The following ARHGAP30 variants were observed in gnomAD, a reference collection of about 807,000 sequenced individuals.
ARHGAP30 encodes Rho GTPase activating protein 30, also known as rho GTPase-activating protein 30.
In ARHGAP30, 23 loss-of-function variants were observed where a neutral mutation model predicts 72.0. The observed-to-expected ratio is 0.32, with a 90% confidence interval of 0.23 to 0.45. The LOEUF (loss-of-function observed/expected upper bound fraction) is 0.45. ARHGAP30 is among the 20% of genes least tolerant of loss of function. ARHGAP30 has a pLI of 1.00. For missense variants in ARHGAP30, 1,319 were observed against 1,383.4 expected, an observed-to-expected ratio of 0.95 and a Z score of 0.74; for synonymous variants, 576 against 528.2, an observed-to-expected ratio of 1.09 and a Z score of -1.24.
rs764328210 is a variant in ARHGAP30 at position 161,056,492 on chromosome 1, C to T, written c.241G>A (p.Asp81Asn). 3 of 1,613,834 alleles carry T rather than the reference C, an allele frequency of 1.9e-6. No homozygotes were observed. Among genetic ancestry groups the T allele is most frequent in the South Asian group, 2.2e-5 (2 of 91,048 alleles). ...CAGTGAATGTCTTGGAGGTAAACAT[C>T]CCGACGCAGGTCTGGCTTCCGCTCT... The part of the protein sequence containing the change: ...ESERKPDLRR[D>N]VYLQDIHCVS... The change falls in exon 3 of 12, where the codon GAT (aspartate) becomes AAT (asparagine). Residue 81 changes from aspartate (D) to asparagine (N), a missense_variant. Physicochemically the swap from Asp to Asn is conservative, Grantham distance 23 (BLOSUM62 1). Around this residue, in one of 2 missense-constraint regions of ARHGAP30, gnomAD observed 222 missense variants for 338.2 expected, o/e 0.66. Coordinates refer to ENST00000368013, the MANE Select transcript of ARHGAP30 (RefSeq NM_001025598.2).
At position 161,055,063 on chromosome 1, in the gene ARHGAP30, A is replaced by T. The variant is rs1269223244; in HGVS notation, c.346-358T>A. 2.0e-5 allele frequency among the ~76,000 whole-genome samples: 3 copies of T among 151,990 alleles called. No homozygotes were observed. In the East Asian group the frequency reaches 5.8e-4, roughly 29 times the overall value. On this transcript the variant is annotated intron_variant, in intron 3 of 11. Transcript: ENST00000368013. The stretch of plus-strand genomic sequence containing the variant: ...TCCAGGAAAGCTGTCCCCCACCCCA[A>T]CCTAGCCGGTGTGGACTGAGCAGGG...
chr1:161,065,532 C>A (rs564422270), intron 1 of ARHGAP30, among the ~76,000 whole-genome samples: 1 of 151,848 alleles, frequency 6.6e-6, no homozygotes, highest in Admixed American at 6.6e-5. Context: ...CCAATCTTTC[C>A]TTTTTCTTTT....
Position 161,059,692 on chromosome 1 carries a change from G to A in ARHGAP30, c.122C>T (p.Ala41Val), listed in dbSNP as rs1652174241. Residue 41 changes from alanine (A) to valine (V), a missense_variant, in exon 2 of 12, where the codon GCA becomes GTA. By Grantham distance (64) the Ala-to-Val change is moderately conservative. Coordinates refer to ENST00000368013, the MANE Select transcript of ARHGAP30 (RefSeq NM_001025598.2). ...QEVPQVLKSCAEFVEEYGVVD... is the reference protein window; with the variant it reads ...QEVPQVLKSCVEFVEEYGVVD... ...CACTCCATACTCCTCCACAAATTCT[G>A]CACAGCTCTTTAGCACCTGGGGCAC... 2.5e-6 allele frequency: 4 copies of A among 1,613,508 alleles called. No individual in the cohort carries two copies. The highest frequency in any genetic ancestry group is 2.5e-6 in the Non-Finnish European group (3 of 1,179,682).
Position 161,054,404 on chromosome 1 carries a change from A to G in ARHGAP30, c.498T>C (p.Ala166=). Residue 166 remains alanine, a synonymous_variant, in exon 5 of 12, where the codon GCT becomes GCC. Coordinates refer to ENST00000368013, the MANE Select transcript of ARHGAP30 (RefSeq NM_001025598.2). ...ASFSAQTNMH[A]RNLAIVWAPN... is the part of the protein sequence containing the mutation. The stretch of plus-strand genomic sequence containing the variant: ...GAGCCCACACGATGGCCAGGTTGCG[A>G]GCATGCATGTTGGTCTGGGCACTGA... 6.2e-7 allele frequency: 1 copy of G among 1,613,964 alleles called. No homozygotes were observed. Among genetic ancestry groups the G allele is most frequent in the South Asian group, 1.1e-5 (1 of 91,054 alleles).
chr1:161,051,482 C>T lies in ARHGAP30; in HGVS notation c.1252G>A (p.Val418Ile), dbSNP rs1170158596. Residue 418 changes from valine (V) to isoleucine (I), a missense_variant, in exon 10 of 12, where the codon GTC (valine) becomes ATC (isoleucine). Coordinates refer to ENST00000368013, the MANE Select transcript of ARHGAP30 (RefSeq NM_001025598.2). ...GAGGTGATGTGTAGCGGGAGGTTGA[C>T]ATTGTAGGGGTCTGAGATGTGGACA... ...AGVHISDPYN[V>I]NLPLHITSIL... The T allele has an allele frequency of 1.9e-6, 3 of 1,614,118 alleles. No homozygotes were observed. The highest frequency in any genetic ancestry group is 2.5e-6 in the Non-Finnish European group (3 of 1,180,048).
intron 10 of ARHGAP30, among the ~76,000 whole-genome samples, chr1:161,050,212 C>G (rs1054789868): frequency 6.6e-6 from 1 of 151,746 alleles, no homozygotes; most frequent in Non-Finnish European, 1.5e-5. Flanking sequence ...GTTTCCACTG[C>G]TGTAACATAA....
chr1:161,051,421 A>G lies in ARHGAP30; in HGVS notation c.1313T>C (p.Val438Ala). 6.2e-7 allele frequency: 1 copy of G among 1,614,204 alleles called. No individual in the cohort carries two copies. The highest frequency in any genetic ancestry group is 2.2e-5 in the East Asian group (1 of 44,888). The change falls in exon 10 of 12, where the codon GTT becomes GCT. Residue 438 changes from valine to alanine, a missense_variant. Physicochemically the swap from Val to Ala is moderately conservative, Grantham distance 64. Coordinates refer to ENST00000368013, the MANE Select transcript of ARHGAP30 (RefSeq NM_001025598.2). Reference sequence around the variant, plus strand: ...GCCACGGGTGAGCCTGGCCAAGGAAACGTTAGAGATGATGTTCGGGGGCAC... The same window carrying G: ...GCCACGGGTGAGCCTGGCCAAGGAAGCGTTAGAGATGATGTTCGGGGGCAC... ...LSVPPNIISN[V>A]SLARLTRGLE...
intron 1 of ARHGAP30, chr1:161,060,020 C>T (rs1199018503): frequency 3.0e-6 from 1 of 338,966 alleles, no homozygotes; most frequent in East Asian, 7.2e-5. Context: ...AGTGGCTCAC[C>T]CCTGTAAGCC....
chr1:161,049,779 C>T, intron 10 of ARHGAP30, 90 bp from the exon 11 acceptor site: 1 of 1,465,814 alleles, frequency 6.8e-7, no homozygotes, highest in Non-Finnish European at 9.2e-7. Context: ...TAGCAGGGGC[C>T]CAGCACTCCC....
At chr1:161,063,037 T>C (rs1164318972) in intron 1 of ARHGAP30, among the ~76,000 whole-genome samples, 2 of 152,078 alleles carry the variant, frequency 1.3e-5, no homozygotes, top group Non-Finnish European at 2.9e-5. Context: ...TGTCTCGAAC[T>C]CCCGACCTCA....
At chr1:161,059,035 GT>G (rs1440388105) in intron 2 of ARHGAP30, among the ~76,000 whole-genome samples, 1 of 151,560 alleles carries the variant, frequency 6.6e-6, no homozygotes, top group East Asian at 1.9e-4. Context: ...TAAGTTTTTT[GT>G]TTTTTGTTTT....
At chr1:161,055,742 C>T (rs1651769253) in intron 3 of ARHGAP30, among the ~76,000 whole-genome samples, 1 of 149,870 alleles carries the variant, frequency 6.7e-6, no homozygotes, top group African/African-American at 2.5e-5. Flanking sequence ...CAAGATTGCA[C>T]CACTATACTC....
intron 1 of ARHGAP30, among the ~76,000 whole-genome samples, chr1:161,065,005 C>T (rs1321701463): frequency 1.3e-5 from 2 of 151,832 alleles, no homozygotes; most frequent in East Asian, 1.9e-4. Flanking sequence ...ACTTTTTTTC[C>T]TTATGGGCCC....
chr1:161,056,513 G>T lies in ARHGAP30; in HGVS notation c.220C>A (p.Arg74=). The change falls in exon 3 of 12, where the codon CGG becomes AGG. Residue 74 remains arginine (R), a synonymous_variant. Coordinates refer to ENST00000368013, the MANE Select transcript of ARHGAP30 (RefSeq NM_001025598.2). The stretch of plus-strand genomic sequence containing the variant: ...ACATCCCGACGCAGGTCTGGCTTCC[G>T]CTCTGACTCAAATTCCTGCCTGGGG... ...QKLRQEFESE[R]KPDLRRDVYL... The T allele has an allele frequency of 1.2e-6, 2 of 1,613,518 alleles. No individual in the cohort carries two copies. The highest frequency in any genetic ancestry group is 1.7e-6 in the Non-Finnish European group (2 of 1,179,946).
rs552754298 is a variant in ARHGAP30 at position 161,049,136 on chromosome 1, C to A, written c.1885G>T (p.Gly629Cys). 3 of 1,614,224 alleles carry A rather than the reference C, an allele frequency of 1.9e-6. No homozygotes were observed. Among genetic ancestry groups the A allele is most frequent in the Non-Finnish European group, 2.5e-6 (3 of 1,180,026 alleles). ...LLGPKPPIWK[G>C]SGSLEGEAAG... ...GCCTCTCCCTCCAGACTCCCTGAACCCTTCCAGATTGGGGGTTTAGGTCCC... is the reference window on the plus strand; with the variant it reads ...GCCTCTCCCTCCAGACTCCCTGAACACTTCCAGATTGGGGGTTTAGGTCCC... The change falls in exon 12 of 12, where the codon GGT (glycine) becomes TGT (cysteine). Residue 629 changes from glycine to cysteine, a missense_variant. Around this residue, in one of 2 missense-constraint regions of ARHGAP30, gnomAD observed 1,097 missense variants for 1,045.2 expected, o/e 1.05. Transcript: ENST00000368013.
chr1:161,056,378 C>G lies in ARHGAP30; in HGVS notation c.345+10G>C. 1 of 1,613,138 alleles carries G rather than the reference C, an allele frequency of 6.2e-7. No individual in the cohort carries two copies. The highest frequency in any genetic ancestry group is 8.5e-7 in the Non-Finnish European group (1 of 1,179,586). ...AGCCCTGTCTTCCACCCCTCGGCCT[C>G]TCAACTCACAGCAAACTTGTCATAG... On this transcript the variant is annotated intron_variant, in intron 3 of 11. Transcript: ENST00000368013.
intron 3 of ARHGAP30, among the ~76,000 whole-genome samples, chr1:161,055,957 A>G (rs903789127): frequency 1.5e-5 from 2 of 131,738 alleles, no homozygotes; most frequent in Non-Finnish European, 3.0e-5. Flanking sequence ...AAAATAAAAT[A>G]CCAAAGATGT....
At chr1:161,057,404 G>T (rs1327077131) in intron 2 of ARHGAP30, among the ~76,000 whole-genome samples, 1 of 152,210 alleles carries the variant, frequency 6.6e-6, no homozygotes, top group East Asian at 1.9e-4. Flanking sequence ...AATAAACATG[G>T]TATTGCTCCA....
chr1:161,056,403 G>T lies in ARHGAP30; in HGVS notation c.330C>A (p.Leu110=). The T allele has an allele frequency of 6.2e-7, 1 of 1,613,800 alleles. No homozygotes were observed. Among genetic ancestry groups the T allele is most frequent in the East Asian group, 2.2e-5 (1 of 44,868 alleles). ...CTCAACTCACAGCAAACTTGTCATAGAGCCGGTAAGTGAGCAGGGGATCCG... is the reference window on the plus strand; with the variant it reads ...CTCAACTCACAGCAAACTTGTCATATAGCCGGTAAGTGAGCAGGGGATCCG... ...ELPDPLLTYR[L]YDKFAEAVGV... The change falls in exon 3 of 12, where the codon CTC becomes CTA. Residue 110 remains leucine (L), a synonymous_variant. Transcript: ENST00000368013.
Sources: gnomAD v4.1 joint callset for allele counts (sites outside exome capture counted in the v4.1 genomes callset) on GRCh38, gnomAD v4.1.1 for gene constraint, gnomAD v4.1.1 regional missense constraint, MANE v1.5 for transcripts, NCBI Gene and HGNC (gene_info 2026-07-23, HGNC 2026-07-21) for gene names.